Variants in MTREX observed in about 807,000 individuals in gnomAD.
The protein encoded by MTREX is exosome RNA helicase MTR4.
In MTREX, 76 loss-of-function variants were observed where a neutral mutation model predicts 135.4. That is an observed-to-expected ratio of 0.56 (90% CI 0.47 to 0.68). The LOEUF (loss-of-function observed/expected upper bound fraction) is 0.68, where lower values mean the gene tolerates loss of function less well. Ranked by LOEUF, MTREX falls within the 30% of genes least tolerant of loss-of-function variation. The pLI, the probability that MTREX is intolerant of heterozygous loss-of-function variation, is 0.00. For synonymous variants in MTREX, 404 were observed against 401.6 expected (o/e 1.01, Z -0.07); for missense variants, 920 against 1,262.1 (o/e 0.73, Z 4.11).
At position 55,308,037 on chromosome 5, in the gene MTREX, GC is replaced by G; in HGVS notation, c.25del (p.Leu9CysfsTer58). The G allele has an allele frequency of 6.2e-7, 1 of 1,614,154 alleles. No individual in the cohort carries two copies. Among genetic ancestry groups the G allele is most frequent in the Non-Finnish European group, 8.5e-7 (1 of 1,180,038 alleles). On this transcript the variant is annotated frameshift_variant, in exon 1 of 27. Coordinates refer to ENST00000230640, the MANE Select transcript of MTREX (RefSeq NM_015360.5). LOFTEE classifies it high-confidence loss of function. MADAFGDELFSVFEGDSTT... is the reference protein window; with the variant it reads MADAFGDEXFSVFEGDSTT... ...AAATGGCGGACGCATTCGGAGATGA[GC>G]TGTTCAGCGTGTTCGAGGGCGACTC...
chr5:55,418,106 A>T (rs1044572310), intron 25 of MTREX, among the ~76,000 whole-genome samples: 1 of 151,010 alleles, frequency 6.6e-6, no homozygotes, highest in Non-Finnish European at 1.5e-5. Context: ...TGGTGGCAGG[A>T]GCCTGTAGTC....
intron 2 of MTREX, 115 bp downstream of exon 2, chr5:55,322,579 G>C: frequency 1.4e-6 from 1 of 714,034 alleles, no homozygotes; most frequent in East Asian, 2.9e-5. Context: ...GAGAAATGAA[G>C]ATATTCTTTC....
intron 19 of MTREX, among the ~76,000 whole-genome samples, chr5:55,390,023 A>G (rs1403351487): frequency 6.6e-6 from 1 of 152,200 alleles, no homozygotes; most frequent in Non-Finnish European, 1.5e-5. Context: ...TAGGATTTCC[A>G]TAATCATCCT....
intron 6 of MTREX, 53 bp from the exon 7 acceptor site, chr5:55,341,628 A>G: frequency 8.8e-6 from 8 of 910,110 alleles, no homozygotes; most frequent in South Asian, 5.2e-5. Context: ...TTCTCTAACT[A>G]TTAGCTGTTA....
chr5:55,321,460 A>G (rs1035851637), intron 1 of MTREX, among the ~76,000 whole-genome samples: 1 of 152,074 alleles, frequency 6.6e-6, no homozygotes, highest in African/African-American at 2.4e-5. Context: ...AGTCCGGAAG[A>G]TCATTTTCTC....
At position 55,395,744 on chromosome 5, in the gene MTREX, A is replaced by G. The variant is rs564929300; in HGVS notation, c.2182-1672A>G. 2.0e-5 allele frequency among the ~76,000 whole-genome samples: 3 copies of G among 152,336 alleles called. No homozygotes were observed. In the East Asian group the frequency reaches 5.8e-4, roughly 29 times the overall value. ...ACCAAAAATGGATAATCTGAATCTT[A>G]TGATTCCTCATAACTAGAGAAACCC... On this transcript the variant is annotated intron_variant, in intron 19 of 26. Coordinates refer to ENST00000230640, the MANE Select transcript of MTREX (RefSeq NM_015360.5).
intron 16 of MTREX, among the ~76,000 whole-genome samples, chr5:55,372,519 C>G (rs554870907): frequency 6.6e-6 from 1 of 152,046 alleles, no homozygotes; most frequent in African/African-American, 2.4e-5. Flanking sequence ...TGTGGGGATA[C>G]GTGCACTATT....
At chr5:55,344,481 A>G (rs2112061679) in intron 8 of MTREX, 41 bp from the exon 9 acceptor site, 1 of 1,298,186 alleles carries the variant, frequency 7.7e-7, no homozygotes, top group African/African-American at 1.5e-5. Context: ...TTTTATTTTG[A>G]GGAAATAAAA....
chr5:55,377,262 T>G (rs1012500351), intron 16 of MTREX, among the ~76,000 whole-genome samples: 12 of 151,810 alleles, frequency 7.9e-5, no homozygotes, highest in South Asian at 2.1e-4. Flanking sequence ...GGGAGGCAGA[T>G]CTTGCAGTGA....
At chr5:55,370,112 G>A (rs887364700) in intron 16 of MTREX, among the ~76,000 whole-genome samples, 4 of 151,836 alleles carry the variant, frequency 2.6e-5, no homozygotes, top group Non-Finnish European at 4.4e-5. Context: ...TAGTAGAGAC[G>A]GGGTTTCTCC....
At chr5:55,356,489 G>T in intron 14 of MTREX, 1 of 202,812 alleles carries the variant, frequency 4.9e-6, no homozygotes, top group South Asian at 9.8e-5. Context: ...GATTCTTCGT[G>T]GATGAAGAGG....
intron 18 of MTREX, among the ~76,000 whole-genome samples, chr5:55,387,649 G>C (rs1281150356): frequency 1.3e-5 from 2 of 152,058 alleles, no homozygotes; most frequent in Non-Finnish European, 2.9e-5. Flanking sequence ...TATTATGTTA[G>C]AGTGATTTGA....
intron 1 of MTREX, among the ~76,000 whole-genome samples, chr5:55,315,876 A>C (rs1198779503): frequency 2.0e-5 from 3 of 151,880 alleles, no homozygotes; most frequent in African/African-American, 4.8e-5. Flanking sequence ...AAAAAAAAAA[A>C]ACCTGTGGAA....
At chr5:55,343,916 C>G (rs905964944) in intron 8 of MTREX, among the ~76,000 whole-genome samples, 5 of 152,120 alleles carry the variant, frequency 3.3e-5, no homozygotes, top group African/African-American at 1.2e-4. Context: ...CTGACTTTAG[C>G]GTCTGTATAT....
chr5:55,390,636 C>G (rs1172004893), intron 19 of MTREX, among the ~76,000 whole-genome samples: 2 of 152,110 alleles, frequency 1.3e-5, no homozygotes, highest in Non-Finnish European at 2.9e-5. Flanking sequence ...CTTATCATGG[C>G]CACGTCATGA....
At chr5:55,395,232 C>G (rs1750628790) in intron 19 of MTREX, among the ~76,000 whole-genome samples, 1 of 151,708 alleles carries the variant, frequency 6.6e-6, no homozygotes, top group South Asian at 2.1e-4. Flanking sequence ...ATGGCGAAAC[C>G]CCGTCTCTAC....
In MTREX at chr5:55,346,161, G is replaced by A. The variant is rs1749729571; in HGVS notation, c.1109-852G>A. The stretch of plus-strand genomic sequence containing the variant: ...TTAATACAAGTTTTTGTGTGAATAG[G>A]TGTTTTCCTCTGGATATGTACCTAG... On this transcript the variant is annotated intron_variant, in intron 10 of 26. Transcript: ENST00000230640. 1.3e-5 allele frequency among the ~76,000 whole-genome samples: 2 copies of A among 152,124 alleles called. 1 individual carries two copies. The highest frequency in any genetic ancestry group is 4.1e-4 in the South Asian group (2 of 4,820).
intron 7 of MTREX, 106 bp from the exon 8 acceptor site, chr5:55,343,225 G>A: frequency 5.0e-6 from 5 of 995,258 alleles, no homozygotes; most frequent in Non-Finnish European, 7.3e-6. Context: ...CTTGAGTAAA[G>A]TCTGCATTTC....
Position 55,415,981 on chromosome 5 carries a change from A to G in MTREX, c.2820A>G (p.Lys940=). The G allele has an allele frequency of 6.3e-7, 1 of 1,591,166 alleles. No individual in the cohort carries two copies. The highest frequency in any genetic ancestry group is 1.4e-5 in the African/African-American group (1 of 73,242). ...TTTTATCTTTAAAGGAATGTGCTAA[A>G]AGAATTGCAAAAGTTTCAGCAGAAG... The part of the protein sequence containing the change: ...GPLRQMQECA[K]RIAKVSAEAK... Residue 940 remains lysine, a synonymous_variant, in exon 25 of 27, where the codon AAA becomes AAG. Transcript: ENST00000230640.
Sources: gnomAD v4.1 joint callset for allele counts (sites outside exome capture counted in the v4.1 genomes callset) on GRCh38, gnomAD v4.1.1 for gene constraint, MANE v1.5 for transcripts, NCBI Gene and HGNC (gene_info 2026-07-23, HGNC 2026-07-21) for gene names.